The following CNTN4 variants were observed in gnomAD, a reference collection of about 807,000 sequenced individuals.
CNTN4 encodes the protein contactin 4.
Under a neutral mutation model 122.5 loss-of-function variants are expected in CNTN4, and 77 were observed. The observed-to-expected ratio is 0.63, with a 90% CI of 0.52 to 0.76. CNTN4 has a LOEUF of 0.76. Among genes scored for constraint, CNTN4 ranks in the 30% least tolerant of loss-of-function variants. The pLI, the probability that CNTN4 is intolerant of heterozygous loss-of-function variation, is 0.00. For missense variants in CNTN4, 1,256 were observed against 1,259.1 expected, an observed-to-expected ratio of 1.00 and a Z score of 0.04; for synonymous variants, 512 against 447.0, an observed-to-expected ratio of 1.15 and a Z score of -1.83.
At chr3:2,506,107 C>T (rs77930452) in intron 3 of CNTN4, among the ~76,000 whole-genome samples, 1,878 of 152,030 alleles carry the variant, frequency 0.012, 34 homozygotes, top group African/African-American at 0.043. Flanking sequence ...CTCATGTGGA[C>T]GCCTTCCTTC....
At chr3:2,481,886 G>C (rs1196112865) in intron 3 of CNTN4, among the ~76,000 whole-genome samples, 1 of 152,112 alleles carries the variant, frequency 6.6e-6, no homozygotes, top group African/African-American at 2.4e-5. Flanking sequence ...TGCCATGATT[G>C]TAAGTTTCAT....
intron 2 of CNTN4, among the ~76,000 whole-genome samples, chr3:2,161,767 G>A (rs375605555): frequency 6.6e-6 from 1 of 152,228 alleles, no homozygotes; most frequent in African/African-American, 2.4e-5. Flanking sequence ...CTAGGAGCCA[G>A]TATAGTTAAG....
chr3:2,689,969 A>G (rs555496117), intron 4 of CNTN4, among the ~76,000 whole-genome samples: 1 of 152,214 alleles, frequency 6.6e-6, no homozygotes, highest in African/African-American at 2.4e-5. Context: ...CCAAAAACTA[A>G]GATCATATGT....
At chr3:2,216,243 G>C (rs1416939112) in intron 2 of CNTN4, among the ~76,000 whole-genome samples, 1 of 152,194 alleles carries the variant, frequency 6.6e-6, no homozygotes, top group Non-Finnish European at 1.5e-5. Flanking sequence ...TGGCATCATG[G>C]ATGGAGCTGG....
At chr3:2,270,269 CTTTTA>C (rs1237985431) in intron 2 of CNTN4, among the ~76,000 whole-genome samples, 1 of 151,578 alleles carries the variant, frequency 6.6e-6, no homozygotes, top group African/African-American at 2.4e-5. Flanking sequence ...TTTACTTTAA[CTTTTA>C]TTTTAGGTTC....
chr3:2,814,328 A>G (rs1247034639), intron 6 of CNTN4, among the ~76,000 whole-genome samples: 2 of 152,230 alleles, frequency 1.3e-5, no homozygotes, highest in African/African-American at 4.8e-5. Flanking sequence ...TTATTTATTC[A>G]ATACTATCTT....
chr3:2,601,700 G>T (rs2081054755), intron 4 of CNTN4, among the ~76,000 whole-genome samples: 1 of 152,084 alleles, frequency 6.6e-6, no homozygotes, highest in South Asian at 2.1e-4. Flanking sequence ...CTCTATTTTG[G>T]TTCCATCTGA....
chr3:2,529,241 A>G (rs1238783665), intron 3 of CNTN4, among the ~76,000 whole-genome samples: 1 of 152,154 alleles, frequency 6.6e-6, no homozygotes, highest in Non-Finnish European at 1.5e-5. Context: ...GACTTAACAT[A>G]AAGTCCTCTG....
chr3:2,605,723 AATT>A (rs1211348112), intron 4 of CNTN4, among the ~76,000 whole-genome samples: 1 of 152,176 alleles, frequency 6.6e-6, no homozygotes, highest in African/African-American at 2.4e-5. Flanking sequence ...TTACCACAGT[AATT>A]ATTACTATAT....
chr3:2,681,587 G>A (rs2085169454), intron 4 of CNTN4, among the ~76,000 whole-genome samples: 2 of 151,984 alleles, frequency 1.3e-5, no homozygotes, highest in South Asian at 4.1e-4. Flanking sequence ...TATGTAGGTT[G>A]TACCTTTTCT....
rs544716842 is a variant in CNTN4, at chr3:2,558,005, A to G, written c.-88-13411A>G. On this transcript the variant is annotated intron_variant, in intron 3 of 24. Transcript: ENST00000418658. ...CTATAAATATAAAATCTGCAATGGT[A>G]TACTGTATGTACATATCTTTCAAGG... Among the ~76,000 whole-genome samples the G allele has an allele frequency of 2.0e-5, 3 of 152,282 alleles. No homozygotes were observed. The East Asian group carries it at 5.8e-4, about 29-fold the overall frequency.
At chr3:2,617,947 C>T (rs1215917873) in intron 4 of CNTN4, among the ~76,000 whole-genome samples, 1 of 152,094 alleles carries the variant, frequency 6.6e-6, no homozygotes, top group South Asian at 2.1e-4. Flanking sequence ...ACAATTATTT[C>T]AAATTTCCAA....
intron 2 of CNTN4, among the ~76,000 whole-genome samples, chr3:2,147,087 G>T (rs575868541): frequency 3.9e-5 from 6 of 152,084 alleles, no homozygotes; most frequent in African/African-American, 1.4e-4. Flanking sequence ...CATCATATTG[G>T]CCAGGATGGT....
chr3:2,159,972 C>T (rs548971740), intron 2 of CNTN4, among the ~76,000 whole-genome samples: 134 of 152,144 alleles, frequency 8.8e-4, no homozygotes, highest in African/African-American at 3.1e-3. Flanking sequence ...GACTCCAAAA[C>T]TCACCCAAAT....
rs375583964 is a variant in CNTN4 at position 2,297,285 on chromosome 3, T to G, written c.-144-41893T>G. ...AAAAGGAATGCAGGACAGATTTGGTTTTAGTTTTATTTTAAAATTTTCATC... is the reference window on the plus strand; with the variant it reads ...AAAAGGAATGCAGGACAGATTTGGTGTTAGTTTTATTTTAAAATTTTCATC... On this transcript the variant is annotated intron_variant, in intron 2 of 24. Transcript: ENST00000418658. Among the ~76,000 whole-genome samples the G allele has an allele frequency of 5.6e-4, 86 of 152,290 alleles. 1 individual carries two copies. The highest frequency in any genetic ancestry group is 1.9e-3 in the African/African-American group (77 of 41,562).
intron 2 of CNTN4, among the ~76,000 whole-genome samples, chr3:2,218,513 C>A (rs1002947894): frequency 1.3e-5 from 2 of 151,782 alleles, no homozygotes; most frequent in Admixed American, 6.6e-5. Context: ...CCAACCTGGG[C>A]AATATAGTGA....
At chr3:2,904,045 C>T (rs1160556350) in intron 12 of CNTN4, among the ~76,000 whole-genome samples, 1 of 151,888 alleles carries the variant, frequency 6.6e-6, no homozygotes, top group South Asian at 2.1e-4. Flanking sequence ...TTAAGACCAA[C>T]AGCTTGCATT....
At position 2,312,038 on chromosome 3, in the gene CNTN4, A is replaced by G. The variant is rs530742948; in HGVS notation, c.-144-27140A>G. ...AAAGTGAGAGTTTTTTTTTGATACG[A>G]TAAAACTTTTTTTTAAGATAAAAAT... On this transcript the variant is annotated intron_variant, in intron 2 of 24. Transcript: ENST00000418658. Among the ~76,000 whole-genome samples, 305 of 152,122 alleles carry G rather than the reference A, an allele frequency of 2.0e-3. 3 individuals are homozygous for G. The highest frequency in any genetic ancestry group is 2.1e-3 in the Non-Finnish European group (146 of 67,958).
chr3:2,978,520 G>T (rs1360978637), intron 13 of CNTN4, among the ~76,000 whole-genome samples: 1 of 152,180 alleles, frequency 6.6e-6, no homozygotes, highest in African/African-American at 2.4e-5. Flanking sequence ...TGCCAGTATT[G>T]CCCTATCTTC....
Sources: allele counts gnomAD v4.1 joint callset (sites outside exome capture counted in the v4.1 genomes callset), GRCh38; gene constraint gnomAD v4.1.1; transcripts MANE v1.5; gene names NCBI Gene and HGNC (gene_info 2026-07-23, HGNC 2026-07-21).